The following GRID1 variants were observed in gnomAD, a reference collection of about 807,000 sequenced individuals.
GRID1 encodes glutamate ionotropic receptor delta type subunit 1.
GRID1 carries 28 observed loss-of-function variants against 98.0 expected under a neutral mutation model. The ratio of observed to expected loss-of-function variants is 0.29; its 90% CI spans 0.21 to 0.39. The LOEUF is 0.39. Ranked by LOEUF, GRID1 falls within the 10% of genes least tolerant of loss-of-function variation. GRID1 has a pLI of 1.00. For synonymous variants in GRID1, 553 were observed against 538.5 expected, an observed-to-expected ratio of 1.03 and a Z score of -0.37; for missense variants, 1,111 against 1,340.5, an observed-to-expected ratio of 0.83 and a Z score of 2.67.
chr10:85,924,042 A>C (rs1446312680), intron 4 of GRID1, among the ~76,000 whole-genome samples: 1 of 152,184 alleles, frequency 6.6e-6, no homozygotes, highest in Non-Finnish European at 1.5e-5. Context: ...GCCTGGTCTA[A>C]TTACCACGAA....
rs12265266 is a variant in GRID1 at position 85,802,011 on chromosome 10, C to T, written c.1233+52485G>A. Among the ~76,000 whole-genome samples the T allele has an allele frequency of 7.2e-3, 1,092 of 152,106 alleles. 13 individuals carry two copies. The highest frequency in any genetic ancestry group is 0.025 in the African/African-American group (1,029 of 41,532). On this transcript the variant is annotated intron_variant, in intron 8 of 15. Transcript: ENST00000327946. Reference sequence around the variant, plus strand: ...AATTAGAGAAAACATCTTTAAAGGACAGCATTTACAATAGCAAATAAATCT... The same window carrying T: ...AATTAGAGAAAACATCTTTAAAGGATAGCATTTACAATAGCAAATAAATCT...
At chr10:85,824,461 C>T (rs1842801222) in intron 8 of GRID1, among the ~76,000 whole-genome samples, 1 of 152,240 alleles carries the variant, frequency 6.6e-6, no homozygotes, top group South Asian at 2.1e-4. Flanking sequence ...ATCTGCCCGC[C>T]TTGGCCTCCC....
At chr10:86,150,886 CA>C (rs985233540) in intron 3 of GRID1, among the ~76,000 whole-genome samples, 3 of 152,182 alleles carry the variant, frequency 2.0e-5, no homozygotes, top group African/African-American at 7.2e-5. Flanking sequence ...TCAGATCCAG[CA>C]CCTTGATCTT....
At chr10:86,202,220 C>G (rs926467681) in intron 3 of GRID1, among the ~76,000 whole-genome samples, 2 of 152,252 alleles carry the variant, frequency 1.3e-5, no homozygotes, top group Non-Finnish European at 2.9e-5. Flanking sequence ...AATGCCAGCC[C>G]ATGCAACATT....
At chr10:86,167,158 A>G (rs1447789268) in intron 3 of GRID1, among the ~76,000 whole-genome samples, 6 of 152,226 alleles carry the variant, frequency 3.9e-5, no homozygotes, top group Admixed American at 3.9e-4. Context: ...CACAGTTCTG[A>G]GAGCACTGAT....
chr10:85,960,170 G>A (rs7893199), intron 4 of GRID1, among the ~76,000 whole-genome samples: 18,655 of 152,234 alleles, frequency 0.12, 1,302 homozygotes, highest in Admixed American at 0.22. Context: ...GAAGTGCTGG[G>A]ATTACAGGTG....
intron 4 of GRID1, among the ~76,000 whole-genome samples, chr10:86,100,968 T>C (rs1271393379): frequency 6.6e-6 from 1 of 152,154 alleles, no homozygotes; most frequent in Admixed American, 6.5e-5. Flanking sequence ...AGGCTGTTTG[T>C]TATGCACCAT....
At chr10:85,918,591 C>T (rs1202251416) in intron 4 of GRID1, among the ~76,000 whole-genome samples, 1 of 152,208 alleles carries the variant, frequency 6.6e-6, no homozygotes, top group Non-Finnish European at 1.5e-5. Context: ...GGGATGCTTA[C>T]AGGTGGGACA....
intron 4 of GRID1, among the ~76,000 whole-genome samples, chr10:85,997,151 C>T (rs887469460): frequency 2.6e-5 from 4 of 152,184 alleles, no homozygotes; most frequent in Non-Finnish European, 4.4e-5. Context: ...CCTGTAATCT[C>T]AGCACTTTGG....
At chr10:85,838,589 A>G (rs1183825343) in intron 8 of GRID1, among the ~76,000 whole-genome samples, 3 of 152,134 alleles carry the variant, frequency 2.0e-5, no homozygotes, top group Admixed American at 6.5e-5. Flanking sequence ...GCATTTTCAG[A>G]TAAGAAAATG....
chr10:85,834,549 T>C (rs1842896233), intron 8 of GRID1, among the ~76,000 whole-genome samples: 2 of 152,206 alleles, frequency 1.3e-5, no homozygotes, highest in Non-Finnish European at 2.9e-5. Context: ...ACTATCCTTC[T>C]TCTTCTGAGT....
At chr10:85,783,971 C>T (rs1002771162) in intron 8 of GRID1, among the ~76,000 whole-genome samples, 3 of 152,102 alleles carry the variant, frequency 2.0e-5, no homozygotes, top group Non-Finnish European at 4.4e-5. Context: ...CATCAGGGGG[C>T]CCAGGGCCTT....
At chr10:86,182,203 G>A (rs772382816) in intron 3 of GRID1, among the ~76,000 whole-genome samples, 3 of 152,118 alleles carry the variant, frequency 2.0e-5, no homozygotes, top group African/African-American at 4.8e-5. Context: ...GTGCTTCCCC[G>A]TAGCCTAACC....
intron 12 of GRID1, among the ~76,000 whole-genome samples, chr10:85,665,270 G>A (rs1458967418): frequency 6.6e-6 from 1 of 152,082 alleles, no homozygotes; most frequent in Non-Finnish European, 1.5e-5. Flanking sequence ...ACAGCTGTGG[G>A]GTTCAGGATG....
intron 4 of GRID1, 27 bp downstream of exon 4, chr10:86,138,792 C>G (rs1421171655): frequency 6.3e-7 from 1 of 1,590,570 alleles, no homozygotes; most frequent in Admixed American, 1.7e-5. Context: ...CACCAGGCCC[C>G]TGAGGCCTCA....
intron 4 of GRID1, among the ~76,000 whole-genome samples, chr10:86,059,897 A>C (rs1843625784): frequency 6.6e-6 from 1 of 152,218 alleles, no homozygotes; most frequent in South Asian, 2.1e-4. Flanking sequence ...AAAATAAAAA[A>C]AACACTCTCC....
intron 8 of GRID1, among the ~76,000 whole-genome samples, chr10:85,792,732 G>A (rs924402806): frequency 6.6e-5 from 10 of 152,122 alleles, no homozygotes; most frequent in African/African-American, 2.2e-4. Context: ...TCTCAAGCTC[G>A]AAGCCTCTTC....
chr10:86,339,111 C>G (rs981874475), intron 2 of GRID1, among the ~76,000 whole-genome samples: 5 of 152,168 alleles, frequency 3.3e-5, no homozygotes, highest in Non-Finnish European at 7.4e-5. Context: ...CCCTGAACCC[C>G]AGCACCCAAC....
intron 4 of GRID1, among the ~76,000 whole-genome samples, chr10:85,939,072 C>T (rs895666051): frequency 1.3e-5 from 2 of 152,198 alleles, no homozygotes; most frequent in Admixed American, 6.5e-5. Context: ...CAACCCTCAG[C>T]AGGTGGGTCA....
Sources: allele counts gnomAD v4.1 joint callset (sites outside exome capture counted in the v4.1 genomes callset), GRCh38; gene constraint gnomAD v4.1.1; transcripts MANE v1.5; gene names NCBI Gene and HGNC (gene_info 2026-07-23, HGNC 2026-07-21).